KHDRBS2: variants seen among roughly 807,000 people sequenced by gnomAD.
KHDRBS2 encodes KH domain-containing, RNA-binding, signal transduction-associated protein 2.
In KHDRBS2, 26 loss-of-function variants were observed where a neutral mutation model predicts 44.3. The ratio of observed to expected loss-of-function variants is 0.59; its 90% CI spans 0.43 to 0.81. The LOEUF is 0.81. Ranked by LOEUF, KHDRBS2 falls within the 40% of genes least tolerant of loss-of-function variation. The pLI is 0.00. For synonymous variants in KHDRBS2, 194 were observed against 151.1 expected (o/e 1.28, Z -2.08); for missense variants, 476 against 433.1 (o/e 1.10, Z -0.88).
intron 1 of KHDRBS2, among the ~76,000 whole-genome samples, chr6:62,190,130 A>G (rs564030227): frequency 6.6e-6 from 1 of 152,234 alleles, no homozygotes; most frequent in Admixed American, 6.5e-5. Context: ...ATGCAAGAGG[A>G]AGAAAATCAG....
intron 7 of KHDRBS2, among the ~76,000 whole-genome samples, chr6:61,730,079 G>GA (rs1004692150): frequency 1.3e-5 from 2 of 151,864 alleles, no homozygotes; most frequent in African/African-American, 4.8e-5. Context: ...ACAGTTTTCT[G>GA]AAAAAAATAG....
At chr6:62,275,042 C>CACACACAT (rs1554138988) in intron 1 of KHDRBS2, among the ~76,000 whole-genome samples, 63 of 148,766 alleles carry the variant, frequency 4.2e-4, no homozygotes, top group African/African-American at 1.4e-3. Flanking sequence ...CACACACACA[C>CACACACAT]ATATATATTC....
chr6:62,249,544 C>T (rs1397413459), intron 1 of KHDRBS2, among the ~76,000 whole-genome samples: 4 of 151,938 alleles, frequency 2.6e-5, no homozygotes, highest in African/African-American at 9.7e-5. Flanking sequence ...ATTGGGCAAA[C>T]ATTAATTTTC....
the KHDRBS2 span, among the ~76,000 whole-genome samples, chr6:61,636,148 C>T: frequency 1.3e-5 from 2 of 152,052 alleles, no homozygotes; most frequent in East Asian, 1.9e-4. Context: ...AATCATTCTT[C>T]CCAGAACTGC....
chr6:61,586,762 A>C, the KHDRBS2 span, among the ~76,000 whole-genome samples: 1 of 152,260 alleles, frequency 6.6e-6, no homozygotes, highest in African/African-American at 2.4e-5. Context: ...CCCAGAAAAA[A>C]AAGAAAGCAG....
chr6:61,942,449 A>G (rs926308677), intron 4 of KHDRBS2, among the ~76,000 whole-genome samples: 2 of 152,188 alleles, frequency 1.3e-5, no homozygotes, highest in Non-Finnish European at 2.9e-5. Flanking sequence ...AATACTTTCA[A>G]AAACTTCAAT....
intron 2 of KHDRBS2, among the ~76,000 whole-genome samples, chr6:62,172,648 C>A (rs1366869312): frequency 7.3e-6 from 1 of 137,320 alleles, no homozygotes; most frequent in Admixed American, 7.7e-5. Context: ...CTGCACATGG[C>A]ACTTTAAAAT....
intron 2 of KHDRBS2, among the ~76,000 whole-genome samples, chr6:62,101,590 C>T (rs1269834178): frequency 6.6e-6 from 1 of 152,202 alleles, no homozygotes; most frequent in East Asian, 1.9e-4. Flanking sequence ...TAGTAGGATT[C>T]TGGATATGTA....
At chr6:61,631,720 G>GT in the KHDRBS2 span, among the ~76,000 whole-genome samples, 5 of 152,138 alleles carry the variant, frequency 3.3e-5, no homozygotes, top group Non-Finnish European at 7.4e-5. Flanking sequence ...AAATGGAGAC[G>GT]TAAGTTAGTT....
In KHDRBS2 at chr6:61,892,479, T is replaced by C. The variant is rs1023778526; in HGVS notation, c.810+2156A>G. On this transcript the variant is annotated intron_variant, in intron 6 of 8. Coordinates refer to ENST00000281156, the MANE Select transcript of KHDRBS2 (RefSeq NM_152688.4). ...AGCCAAAAGAACAAAGCTGGATGCATCATGCTACCTGACTTCAAACTATAC... is the reference window on the plus strand; with the variant it reads ...AGCCAAAAGAACAAAGCTGGATGCACCATGCTACCTGACTTCAAACTATAC... Among the ~76,000 whole-genome samples the C allele has an allele frequency of 1.0e-3, 154 of 152,292 alleles. 1 individual carries two copies. The highest frequency in any genetic ancestry group is 1.9e-3 in the Non-Finnish European group (130 of 68,028).
At chr6:61,699,222 A>G (rs1399384512) in intron 7 of KHDRBS2, among the ~76,000 whole-genome samples, 2 of 152,094 alleles carry the variant, frequency 1.3e-5, no homozygotes, top group Non-Finnish European at 2.9e-5. Flanking sequence ...ACACCATTTA[A>G]TTGAGTAGCC....
At chr6:61,708,720 T>C (rs1166612230) in intron 7 of KHDRBS2, among the ~76,000 whole-genome samples, 1 of 151,610 alleles carries the variant, frequency 6.6e-6, no homozygotes, top group African/African-American at 2.4e-5. Flanking sequence ...GGTATATTGA[T>C]AGATAGATAG....
chr6:62,276,777 C>T (rs1197242245), intron 1 of KHDRBS2, among the ~76,000 whole-genome samples: 4 of 152,142 alleles, frequency 2.6e-5, no homozygotes, highest in Non-Finnish European at 5.9e-5. Context: ...ATAAAATGTG[C>T]ATACTAATAG....
intron 6 of KHDRBS2, among the ~76,000 whole-genome samples, chr6:61,733,383 G>T (rs1481299067): frequency 6.6e-6 from 1 of 152,108 alleles, no homozygotes; most frequent in East Asian, 1.9e-4. Context: ...CTGAGGTCAG[G>T]AGTTCGAGAC....
At chr6:62,104,443 C>T (rs1400114613) in intron 2 of KHDRBS2, among the ~76,000 whole-genome samples, 2 of 151,904 alleles carry the variant, frequency 1.3e-5, no homozygotes, top group South Asian at 2.1e-4. Flanking sequence ...AGTCATGCAT[C>T]GTTATGTTCT....
chr6:62,195,237 T>TAGAAAA (rs1585148122), intron 1 of KHDRBS2, among the ~76,000 whole-genome samples: 1 of 152,330 alleles, frequency 6.6e-6, no homozygotes, highest in East Asian at 1.9e-4. Flanking sequence ...TGTTGATGTA[T>TAGAAAA]AGAAAAACAA....
intron 4 of KHDRBS2, among the ~76,000 whole-genome samples, chr6:61,907,349 G>A (rs533814171): frequency 6.6e-6 from 1 of 151,874 alleles, no homozygotes; most frequent in South Asian, 2.1e-4. Flanking sequence ...CTTCCATTCT[G>A]TGTATTGTCT....
At chr6:62,196,878 G>A (rs1825818967) in intron 1 of KHDRBS2, among the ~76,000 whole-genome samples, 1 of 152,032 alleles carries the variant, frequency 6.6e-6, no homozygotes, top group Non-Finnish European at 1.5e-5. Flanking sequence ...GCCTTATGGT[G>A]TGTGTACAGC....
the KHDRBS2 span, among the ~76,000 whole-genome samples, chr6:61,655,761 T>C: frequency 5.3e-5 from 8 of 152,064 alleles, no homozygotes; most frequent in Non-Finnish European, 1.0e-4. Context: ...ACATGTAAGA[T>C]TTTTTATTTG....
Sources: allele counts gnomAD v4.1 joint callset (sites outside exome capture counted in the v4.1 genomes callset), GRCh38; gene constraint gnomAD v4.1.1; transcripts MANE v1.5; gene names NCBI Gene and HGNC (gene_info 2026-07-23, HGNC 2026-07-21).